MTMR7: variants seen among roughly 807,000 people sequenced by gnomAD.
MTMR7 encodes the protein myotubularin related protein 7.
Under a neutral mutation model 81.2 loss-of-function variants are expected in MTMR7, and 76 were observed. The observed-to-expected ratio is 0.94, with a 90% CI of 0.78 to 1.13. MTMR7 has a LOEUF of 1.13. MTMR7 is among the 50% of genes most tolerant of loss of function. The pLI, the probability that MTMR7 is intolerant of heterozygous loss-of-function variation, is 0.00. For synonymous variants in MTMR7, 372 were observed against 289.8 expected (o/e 1.28, Z -2.88); for missense variants, 1,044 against 820.0 (o/e 1.27, Z -3.34).
In MTMR7 at chr8:17,341,477, G is replaced by T. The variant is rs758028025; in HGVS notation, c.618C>A (p.Ser206Arg). Residue 206 changes from serine to arginine, a missense_variant, in exon 6 of 14, where the codon AGC becomes AGA. Coordinates refer to ENST00000180173, the MANE Select transcript of MTMR7 (RefSeq NM_004686.5). ...GGGCACTGAAGCCGGACAGGGGCTG[G>T]CTGCTCCGGCAGATGGAGGCCTAGG... ...KDNHASICRS[S>R]QPLSGFSARC... 1 of 1,613,942 alleles carries T rather than the reference G, an allele frequency of 6.2e-7. No homozygotes were observed.
intron 5 of MTMR7, among the ~76,000 whole-genome samples, chr8:17,342,814 C>T (rs1249152611): frequency 6.6e-6 from 1 of 152,024 alleles, no homozygotes; most frequent in East Asian, 1.9e-4. Context: ...GGGGCAGCAG[C>T]AGAGTCACTC....
chr8:17,404,952 A>C (rs1437746533), intron 1 of MTMR7, among the ~76,000 whole-genome samples: 2 of 152,300 alleles, frequency 1.3e-5, no homozygotes, highest in Admixed American at 6.5e-5. Flanking sequence ...CAGCCTCCAG[A>C]GTAGCTAGGA....
rs1585097741 is a variant in MTMR7, at chr8:17,369,349, A to C, written c.310+1688T>G. ...AGAGTAACAGTGCAAAGTAAAAACT[A>C]CCAGATTTTGACAGCTCCCTGGCGT... On this transcript the variant is annotated intron_variant, in intron 3 of 13. Coordinates refer to ENST00000180173, the MANE Select transcript of MTMR7 (RefSeq NM_004686.5). Among the ~76,000 whole-genome samples the C allele has an allele frequency of 1.3e-5, 2 of 152,224 alleles. 1 individual carries two copies. The highest frequency in any genetic ancestry group is 4.1e-4 in the South Asian group (2 of 4,828).
At chr8:17,309,606 T>A (rs906281215) in intron 9 of MTMR7, among the ~76,000 whole-genome samples, 2 of 152,208 alleles carry the variant, frequency 1.3e-5, no homozygotes, top group South Asian at 4.1e-4. Flanking sequence ...TTCACATTGC[T>A]TTACGTATGA....
intron 5 of MTMR7, among the ~76,000 whole-genome samples, chr8:17,342,204 G>C (rs1819427082): frequency 6.6e-6 from 1 of 152,142 alleles, no homozygotes; most frequent in South Asian, 2.1e-4. Flanking sequence ...ATTTCCCTGA[G>C]TTATGAGTAG....
chr8:17,309,198 T>C, intron 10 of MTMR7, 79 bp downstream of exon 10: 1 of 981,522 alleles, frequency 1.0e-6, no homozygotes, highest in Non-Finnish European at 1.6e-6. Context: ...AAGACGATTT[T>C]CCCCTAAATA....
rs181767006 is a variant in MTMR7 at position 17,365,987 on chromosome 8, T to C, written c.311-4713A>G. Among the ~76,000 whole-genome samples, 304 of 152,280 alleles carry C rather than the reference T, an allele frequency of 2.0e-3. 1 individual carries two copies. The highest frequency in any genetic ancestry group is 3.6e-3 in the Non-Finnish European group (242 of 68,002). On this transcript the variant is annotated intron_variant, in intron 3 of 13. Coordinates refer to ENST00000180173, the MANE Select transcript of MTMR7 (RefSeq NM_004686.5). ...GATCTTATTCTAGCACCGGTGTTCA[T>C]TGTGCTCCCCTTAACCTAGGGAAGC...
intron 5 of MTMR7, among the ~76,000 whole-genome samples, chr8:17,345,074 T>C (rs1476982404): frequency 6.6e-6 from 1 of 152,162 alleles, no homozygotes. Flanking sequence ...TCTCTAACCA[T>C]GATCTATAAA....
Position 17,305,954 on chromosome 8 carries a change from A to G in MTMR7, c.1155T>C (p.Tyr385=), listed in dbSNP as rs767794777. Residue 385 remains tyrosine, a synonymous_variant, in exon 11 of 14, where the codon TAT becomes TAC. Coordinates refer to ENST00000180173, the MANE Select transcript of MTMR7 (RefSeq NM_004686.5). The part of the protein sequence containing the change: ...ISFGHKFNHR[Y]GNLDGDPKEI... ...CTTTTGGGTCACCATCTAGATTGCC[A>G]TATCTATAAAACAAAGCATTAGAGA... 12 of 1,611,540 alleles carry G rather than the reference A, an allele frequency of 7.4e-6. No homozygotes were observed. Among genetic ancestry groups the G allele is most frequent in the South Asian group, 6.6e-5 (6 of 90,948 alleles).
chr8:17,411,117 T>C (rs569869505), intron 1 of MTMR7, among the ~76,000 whole-genome samples: 24 of 152,366 alleles, frequency 1.6e-4, no homozygotes, highest in African/African-American at 5.5e-4. Flanking sequence ...AAAATTAATT[T>C]TGCCCTTAAA....
chr8:17,307,460 T>C (rs1371173750), intron 10 of MTMR7, among the ~76,000 whole-genome samples: 2 of 152,102 alleles, frequency 1.3e-5, no homozygotes, highest in African/African-American at 4.8e-5. Context: ...AGTTCAACCA[T>C]TGTGGAAGTC....
At chr8:17,340,310 G>C (rs1431189677) in intron 6 of MTMR7, among the ~76,000 whole-genome samples, 1 of 152,206 alleles carries the variant, frequency 6.6e-6, no homozygotes, top group Non-Finnish European at 1.5e-5. Context: ...TTGCCTAACA[G>C]GACATCCTGG....
Position 17,313,284 on chromosome 8 carries a change from T to C in MTMR7, c.975+8A>G, listed in dbSNP as rs374215792. On this transcript the variant is annotated splice_region_variant and intron_variant, in intron 8 of 13. Coordinates refer to ENST00000180173, the MANE Select transcript of MTMR7 (RefSeq NM_004686.5). ...GTCCCTTAATTTATTTTCTCTGCAA[T>C]TGCATACCTTTGCAATGAAGATTCC... The C allele has an allele frequency of 6.3e-5, 100 of 1,595,912 alleles. No homozygotes were observed. Among genetic ancestry groups the C allele is most frequent in the Non-Finnish European group, 7.6e-5 (89 of 1,165,302 alleles).
At chr8:17,351,645 A>G (rs1819731980) in intron 4 of MTMR7, among the ~76,000 whole-genome samples, 1 of 152,226 alleles carries the variant, frequency 6.6e-6, no homozygotes, top group South Asian at 2.1e-4. Context: ...CCCCTCTATG[A>G]ACACAATACC....
chr8:17,392,646 C>G (rs59568883), intron 1 of MTMR7, among the ~76,000 whole-genome samples: 2,016 of 152,314 alleles, frequency 0.013, 58 homozygotes, highest in African/African-American at 0.045. Context: ...TTCCTAAAAT[C>G]CATGTGTTTG....
At position 17,359,180 on chromosome 8, in the gene MTMR7, G is replaced by A. The variant is rs763777863; in HGVS notation, c.468+1937C>T. Among the ~76,000 whole-genome samples, 64 of 152,214 alleles carry A rather than the reference G, an allele frequency of 4.2e-4. 1 individual carries two copies. The highest frequency in any genetic ancestry group is 2.9e-3 in the South Asian group (14 of 4,820). On this transcript the variant is annotated intron_variant, in intron 4 of 13. Coordinates refer to ENST00000180173, the MANE Select transcript of MTMR7 (RefSeq NM_004686.5). ...CACGAACTGTTGGGATTACAGGCAT[G>A]AGCCACCATGCCTGGCTTAAATGCG...
At chr8:17,361,042 T>C in intron 4 of MTMR7, 75 bp downstream of exon 4, 2 of 1,530,626 alleles carry the variant, frequency 1.3e-6, no homozygotes, top group Non-Finnish European at 1.8e-6. Context: ...CTGAAGGAGA[T>C]AAAAATAAAG....
intron 1 of MTMR7, among the ~76,000 whole-genome samples, chr8:17,402,172 G>A (rs758848637): frequency 3.9e-5 from 6 of 152,062 alleles, no homozygotes; most frequent in South Asian, 2.1e-4. Context: ...ACAGGCATGC[G>A]TTGTGTAATA....
rs997666712 is a variant in MTMR7, at chr8:17,372,458, C to T, written c.147+660G>A. Among the ~76,000 whole-genome samples the T allele has an allele frequency of 1.3e-5, 2 of 151,974 alleles. 1 individual carries two copies. Among genetic ancestry groups the T allele is most frequent in the South Asian group, 4.1e-4 (2 of 4,820 alleles). On this transcript the variant is annotated intron_variant, in intron 2 of 13. Transcript: ENST00000180173. ...AAAAAGTCAGCCAGGCGTGGTGGCG[C>T]GTGACTGTAGTCCCAGCTACTCAGG...
Sources: allele counts gnomAD v4.1 joint callset (sites outside exome capture counted in the v4.1 genomes callset), GRCh38; gene constraint gnomAD v4.1.1; transcripts MANE v1.5; gene names NCBI Gene and HGNC (gene_info 2026-07-23, HGNC 2026-07-21).